Variants in CD82 observed in about 807,000 individuals in gnomAD.
CD82 encodes the protein CD82 antigen.
A neutral mutation model predicts 37.4 loss-of-function variants in CD82; 36 were observed. That is an observed-to-expected ratio of 0.96 (90% CI 0.74 to 1.27). The LOEUF (loss-of-function observed/expected upper bound fraction) is 1.27. Among genes scored for constraint, CD82 ranks in the 50% most tolerant of loss-of-function variants. The pLI is 0.00. For synonymous variants in CD82, 158 were observed against 137.4 expected, an observed-to-expected ratio of 1.15 and a Z score of -1.05; for missense variants, 340 against 347.0, an observed-to-expected ratio of 0.98 and a Z score of 0.16.
intron 2 of CD82, among the ~76,000 whole-genome samples, chr11:44,593,761 A>G (rs997935023): frequency 1.4e-4 from 21 of 152,206 alleles, no homozygotes; most frequent in Non-Finnish European, 1.5e-5. Context: ...TCAGAGGTCC[A>G]TGAACTCCCA....
chr11:44,583,809 G>A (rs1330136775), intron 1 of CD82, among the ~76,000 whole-genome samples: 1 of 152,136 alleles, frequency 6.6e-6, no homozygotes, highest in Non-Finnish European at 1.5e-5. Context: ...GGATACAGTG[G>A]GTAATGGCAT....
intron 4 of CD82, chr11:44,604,848 A>G: frequency 1.6e-6 from 1 of 623,080 alleles, no homozygotes; most frequent in Non-Finnish European, 2.8e-6. Flanking sequence ...AGGCTGGATG[A>G]GGGTGTGGAT....
At chr11:44,584,668 A>T (rs545893132) in intron 1 of CD82, among the ~76,000 whole-genome samples, 2 of 147,862 alleles carry the variant, frequency 1.4e-5, no homozygotes, top group East Asian at 2.0e-4. Flanking sequence ...AGTAGCAGCT[A>T]TTTTTTTTTT....
chr11:44,604,951 C>T, intron 4 of CD82, 107 bp from the exon 5 acceptor site: 2 of 1,525,206 alleles, frequency 1.3e-6, no homozygotes, highest in Middle Eastern at 1.7e-4. Context: ...TGCAGCTGAC[C>T]CCAACACCCT....
intron 6 of CD82, among the ~76,000 whole-genome samples, chr11:44,608,632 C>G (rs1459411031): frequency 6.6e-6 from 1 of 152,256 alleles, no homozygotes; most frequent in Non-Finnish European, 1.5e-5. Flanking sequence ...CTCTGCAATT[C>G]TGAAATCCAA....
chr11:44,585,374 T>C, intron 1 of CD82: 1 of 453,464 alleles, frequency 2.2e-6, no homozygotes, highest in Non-Finnish European at 4.4e-6. Context: ...CAACCCATTA[T>C]TAAGTTCATT....
At chr11:44,614,536 C>T (rs1853533269) in intron 6 of CD82, among the ~76,000 whole-genome samples, 1 of 152,244 alleles carries the variant, frequency 6.6e-6, no homozygotes, top group Non-Finnish European at 1.5e-5. Context: ...GTGGTCCCTG[C>T]CCCCACGGAG....
chr11:44,584,842 C>G (rs1853030571), intron 1 of CD82, among the ~76,000 whole-genome samples: 1 of 152,234 alleles, frequency 6.6e-6, no homozygotes, highest in South Asian at 2.1e-4. Flanking sequence ...CTGTGCCCAG[C>G]CTCTTCCCGT....
chr11:44,598,659 C>T (rs1285216452), intron 3 of CD82, among the ~76,000 whole-genome samples: 1 of 152,012 alleles, frequency 6.6e-6, no homozygotes, highest in Non-Finnish European at 1.5e-5. Flanking sequence ...ATCTACCCGC[C>T]TGAGTTTTTG....
At chr11:44,605,949 A>T (rs936951075) in intron 6 of CD82, among the ~76,000 whole-genome samples, 1 of 152,254 alleles carries the variant, frequency 6.6e-6, no homozygotes. Context: ...GGAGATGTTC[A>T]GCTTTCAGAA....
chr11:44,615,429 G>C (rs1053121128), intron 7 of CD82, 56 bp downstream of exon 7: 4 of 1,055,830 alleles, frequency 3.8e-6, no homozygotes, highest in Non-Finnish European at 5.9e-6. Context: ...CTGCATTTGG[G>C]GCTCTGTGCA....
intron 3 of CD82, among the ~76,000 whole-genome samples, chr11:44,596,641 C>T (rs116613540): frequency 0.014 from 2,098 of 152,160 alleles, 43 homozygotes; most frequent in African/African-American, 0.047. Context: ...TGTTAACTGT[C>T]TGTGTACTGG....
intron 1 of CD82, among the ~76,000 whole-genome samples, chr11:44,577,674 A>G (rs775676419): frequency 7.9e-5 from 12 of 152,102 alleles, no homozygotes; most frequent in Non-Finnish European, 1.5e-4. Context: ...TAAGGAAGCT[A>G]CTTTCCTCGT....
Position 44,605,450 on chromosome 11 carries a change from C to T in CD82, c.336+21C>T, listed in dbSNP as rs1020422400. ...GCAAGGTAAGCCCCTCTCTCCCTCC[C>T]TCTTCACTGGGCTGGACCAACCATG... On this transcript the variant is annotated intron_variant, in intron 6 of 9. Coordinates refer to ENST00000227155, the MANE Select transcript of CD82 (RefSeq NM_002231.4). The T allele has an allele frequency of 1.9e-6, 3 of 1,609,812 alleles. No homozygotes were observed. The African/African-American group carries it at 4.0e-5, about 22-fold the overall frequency.
intron 7 of CD82, among the ~76,000 whole-genome samples, chr11:44,617,150 T>C (rs1454918942): frequency 6.6e-6 from 1 of 151,992 alleles, no homozygotes; most frequent in Non-Finnish European, 1.5e-5. Flanking sequence ...TCCCATTGAA[T>C]CCTCCCAGGA....
chr11:44,596,364 T>C (rs1046733329), intron 3 of CD82, among the ~76,000 whole-genome samples: 1 of 152,248 alleles, frequency 6.6e-6, no homozygotes, highest in Non-Finnish European at 1.5e-5. Context: ...GCTCTATCCC[T>C]GGGGGCTTTA....
chr11:44,605,542 G>A, intron 6 of CD82, 113 bp downstream of exon 6: 1 of 963,988 alleles, frequency 1.0e-6, no homozygotes, highest in Non-Finnish European at 1.6e-6. Context: ...AGATCCAGTA[G>A]GTGTCAGGGA....
At chr11:44,585,782 T>G (rs1981992) in intron 1 of CD82, among the ~76,000 whole-genome samples, 57,055 of 152,090 alleles carry the variant, frequency 0.38, 12,490 homozygotes, top group East Asian at 0.81. Context: ...GAATCTTAAG[T>G]TCTCCACTTC....
chr11:44,612,508 T>C (rs973675762), intron 6 of CD82, among the ~76,000 whole-genome samples: 1 of 150,962 alleles, frequency 6.6e-6, no homozygotes, highest in African/African-American at 2.4e-5. Context: ...AGGAAAGCTT[T>C]GTAAATTGCA....
Sources: gnomAD v4.1 joint callset for allele counts (sites outside exome capture counted in the v4.1 genomes callset) on GRCh38, gnomAD v4.1.1 for gene constraint, MANE v1.5 for transcripts, NCBI Gene and HGNC (gene_info 2026-07-23, HGNC 2026-07-21) for gene names.